The following DTNB variants were observed in gnomAD, a reference collection of about 807,000 sequenced individuals.
DTNB encodes dystrobrevin beta.
In DTNB, 63 loss-of-function variants were observed where a neutral mutation model predicts 90.7. The observed-to-expected ratio is 0.69, with a 90% CI of 0.57 to 0.86. The LOEUF (loss-of-function observed/expected upper bound fraction) is 0.86. DTNB is among the 40% of genes least tolerant of loss of function. The probability of loss-of-function intolerance (pLI) is 0.00; values close to 1 mark genes in which losing one functional copy is unlikely to be tolerated. For synonymous variants in DTNB, 277 were observed against 286.7 expected (o/e 0.97, Z 0.34); for missense variants, 744 against 807.1 (o/e 0.92, Z 0.95).
intron 16 of DTNB, among the ~76,000 whole-genome samples, chr2:25,393,886 A>G (rs908360608): frequency 3.3e-5 from 5 of 152,164 alleles, no homozygotes; most frequent in Admixed American, 6.6e-5. Flanking sequence ...ACAGGACTAG[A>G]AAAAACAACC....
At chr2:25,420,537 CAG>C (rs2049316879) in intron 15 of DTNB, among the ~76,000 whole-genome samples, 1 of 149,306 alleles carries the variant, frequency 6.7e-6, no homozygotes, top group Admixed American at 6.7e-5. Context: ...TGTCTATCGA[CAG>C]AGTTTCGCTC....
chr2:25,599,837 G>A (rs2065468274), intron 5 of DTNB, among the ~76,000 whole-genome samples: 1 of 152,146 alleles, frequency 6.6e-6, no homozygotes, highest in African/African-American at 2.4e-5. Context: ...GCTCACACCT[G>A]TAATCCCAGA....
intron 16 of DTNB, among the ~76,000 whole-genome samples, chr2:25,415,273 G>C (rs1430935833): frequency 7.2e-6 from 1 of 139,156 alleles, no homozygotes; most frequent in Admixed American, 7.5e-5. Context: ...TTGAGACAGA[G>C]TCTCGCTCCG....
chr2:25,596,553 G>A (rs1260610888), intron 5 of DTNB: 2 of 174,638 alleles, frequency 1.1e-5, no homozygotes, highest in African/African-American at 4.8e-5. Flanking sequence ...ACCTCACTTT[G>A]TTCCAAGAAG....
At chr2:25,654,274 G>A (rs950127532) in intron 1 of DTNB, among the ~76,000 whole-genome samples, 16 of 152,162 alleles carry the variant, frequency 1.1e-4, no homozygotes, top group African/African-American at 3.4e-4. Context: ...ACCACCTTTA[G>A]AGATTGGCCT....
intron 16 of DTNB, among the ~76,000 whole-genome samples, chr2:25,413,709 T>C (rs2047183543): frequency 6.6e-6 from 1 of 152,190 alleles, no homozygotes; most frequent in African/African-American, 2.4e-5. Flanking sequence ...TTCCAAGTCT[T>C]TGCTATTGTG....
intron 16 of DTNB, among the ~76,000 whole-genome samples, chr2:25,393,397 GA>G (rs1356296574): frequency 6.6e-6 from 1 of 152,096 alleles, no homozygotes; most frequent in African/African-American, 2.4e-5. Flanking sequence ...TCAGACAAGA[GA>G]AAGAAAGAAA....
intron 16 of DTNB, among the ~76,000 whole-genome samples, chr2:25,417,472 C>A (rs1303919404): frequency 6.6e-6 from 1 of 152,176 alleles, no homozygotes; most frequent in Non-Finnish European, 1.5e-5. Flanking sequence ...AATTAAATGT[C>A]TACTGGAAGC....
At chr2:25,553,075 T>G (rs2056648178) in intron 8 of DTNB, among the ~76,000 whole-genome samples, 1 of 151,592 alleles carries the variant, frequency 6.6e-6, no homozygotes, top group Non-Finnish European at 1.5e-5. Flanking sequence ...TTAGCCAGGA[T>G]GGTCTCGATC....
intron 4 of DTNB, among the ~76,000 whole-genome samples, chr2:25,626,678 G>A (rs1271955957): frequency 1.3e-5 from 2 of 152,230 alleles, no homozygotes; most frequent in Admixed American, 6.5e-5. Flanking sequence ...AAAATGGTGT[G>A]AATTTAGTGA....
intron 8 of DTNB, among the ~76,000 whole-genome samples, chr2:25,555,643 T>G (rs913288090): frequency 6.6e-6 from 1 of 152,198 alleles, no homozygotes; most frequent in East Asian, 1.9e-4. Context: ...TATACTGCTA[T>G]GTAACTTGCT....
At chr2:25,571,803 T>C (rs1003504958) in intron 8 of DTNB, among the ~76,000 whole-genome samples, 8 of 152,066 alleles carry the variant, frequency 5.3e-5, no homozygotes, top group African/African-American at 1.7e-4. Flanking sequence ...TCAATGTATA[T>C]CGGCAGTGGG....
At chr2:25,624,318 G>C (rs1285071600) in intron 4 of DTNB, among the ~76,000 whole-genome samples, 1 of 152,190 alleles carries the variant, frequency 6.6e-6, no homozygotes, top group Non-Finnish European at 1.5e-5. Context: ...CACATTGTCA[G>C]GACCTCCTGA....
intron 8 of DTNB, among the ~76,000 whole-genome samples, chr2:25,547,314 CTT>C (rs752439869): frequency 2.4e-4 from 30 of 123,458 alleles, no homozygotes; most frequent in Non-Finnish European, 5.0e-4. Context: ...CACCTGTATT[CTT>C]TCTTTCCTTT....
intron 2 of DTNB, among the ~76,000 whole-genome samples, chr2:25,648,451 T>C (rs1329599604): frequency 6.6e-6 from 1 of 152,120 alleles, no homozygotes; most frequent in Non-Finnish European, 1.5e-5. Flanking sequence ...AAAGTCATAA[T>C]AGTAAAGGTA....
chr2:25,390,921 G>T (rs1302075383), intron 16 of DTNB, among the ~76,000 whole-genome samples: 1 of 147,292 alleles, frequency 6.8e-6, no homozygotes. Context: ...TTTTGAGACG[G>T]AGTCTTGCTC....
chr2:25,477,204 G>A (rs1307099338), intron 10 of DTNB, among the ~76,000 whole-genome samples: 1 of 152,206 alleles, frequency 6.6e-6, no homozygotes. Flanking sequence ...GCACACTTAT[G>A]AGGCTATAGT....
chr2:25,548,082 T>A (rs2082819058), intron 8 of DTNB, among the ~76,000 whole-genome samples: 1 of 152,198 alleles, frequency 6.6e-6, no homozygotes, highest in Non-Finnish European at 1.5e-5. Flanking sequence ...ACTAATTTTT[T>A]CAAATAGCCA....
chr2:25,473,349 G>C (rs569184859), intron 10 of DTNB, among the ~76,000 whole-genome samples: 1 of 152,236 alleles, frequency 6.6e-6, no homozygotes, highest in South Asian at 2.1e-4. Context: ...CTGTGTGCCA[G>C]GCTATGGCCC....
Sources: gnomAD v4.1 joint callset for allele counts (sites outside exome capture counted in the v4.1 genomes callset) on GRCh38, gnomAD v4.1.1 for gene constraint, MANE v1.5 for transcripts, NCBI Gene and HGNC (gene_info 2026-07-23, HGNC 2026-07-21) for gene names.